Variants in ADGRB3 observed in about 807,000 individuals in gnomAD.
ADGRB3 encodes adhesion G protein-coupled receptor B3.
A neutral mutation model predicts 193.4 loss-of-function variants in ADGRB3; 37 were observed. The ratio of observed to expected loss-of-function variants is 0.19; its 90% CI spans 0.15 to 0.25. ADGRB3 has a LOEUF of 0.25. ADGRB3 is among the 10% of genes least tolerant of loss of function. ADGRB3 has a pLI of 1.00. For synonymous variants in ADGRB3, 690 were observed against 644.2 expected (o/e 1.07, Z -1.08); for missense variants, 1,637 against 1,852.9 (o/e 0.88, Z 2.14).
At chr6:69,256,310 T>C (rs894997637) in intron 20 of ADGRB3, among the ~76,000 whole-genome samples, 4 of 152,076 alleles carry the variant, frequency 2.6e-5, no homozygotes, top group African/African-American at 4.8e-5. Context: ...GCCATTTTCA[T>C]GATATTGATT....
At chr6:69,317,991 A>C (rs1768354761) in intron 20 of ADGRB3, among the ~76,000 whole-genome samples, 1 of 151,454 alleles carries the variant, frequency 6.6e-6, no homozygotes, top group African/African-American at 2.4e-5. Flanking sequence ...ACTATTTCTA[A>C]TAGTTTAAAA....
At chr6:69,355,768 A>G (rs1769324595) in intron 27 of ADGRB3, 53 bp from the exon 28 acceptor site, 24 of 1,404,820 alleles carry the variant, frequency 1.7e-5, no homozygotes, top group Non-Finnish European at 2.3e-5. Flanking sequence ...AGTAAAAGAC[A>G]CTTGAGGTCT....
intron 3 of ADGRB3, among the ~76,000 whole-genome samples, chr6:68,726,627 A>G (rs1181566210): frequency 6.6e-6 from 1 of 151,602 alleles, no homozygotes; most frequent in Non-Finnish European, 1.5e-5. Flanking sequence ...TTATTTCCCT[A>G]TATGGAAAAT....
chr6:68,917,448 CATG>C (rs1409578892), intron 3 of ADGRB3, among the ~76,000 whole-genome samples: 3 of 152,092 alleles, frequency 2.0e-5, no homozygotes, highest in African/African-American at 4.8e-5. Flanking sequence ...CTTTCTTCTA[CATG>C]ATAAGTTTCT....
At chr6:69,000,687 C>G (rs575224296) in intron 11 of ADGRB3, among the ~76,000 whole-genome samples, 2 of 152,324 alleles carry the variant, frequency 1.3e-5, no homozygotes, top group South Asian at 2.1e-4. Context: ...GGCAGAACAT[C>G]ATCATGTTAG....
rs7743302 is a variant in ADGRB3 at position 69,104,371 on chromosome 6, G to A, written c.2480+28333G>A. Among the ~76,000 whole-genome samples, 118 of 151,054 alleles carry A rather than the reference G, an allele frequency of 7.8e-4. 1 individual carries two copies. Among genetic ancestry groups the A allele is most frequent in the African/African-American group, 2.3e-3 (95 of 41,236 alleles). On this transcript the variant is annotated intron_variant, in intron 17 of 31. Transcript: ENST00000370598. ...TCCCTACAAAGGACATGAACTCATCGTTTTCTATGGCTGCATAGTATTCCA... is the reference window on the plus strand; with the variant it reads ...TCCCTACAAAGGACATGAACTCATCATTTTCTATGGCTGCATAGTATTCCA...
chr6:69,027,458 A>G (rs979964694), intron 13 of ADGRB3, among the ~76,000 whole-genome samples: 8 of 152,212 alleles, frequency 5.3e-5, no homozygotes, highest in Non-Finnish European at 8.8e-5. Flanking sequence ...AAATAGGAGT[A>G]CACCCTAAAA....
rs1770130142 is a variant in ADGRB3 at position 69,388,764 on chromosome 6, A to G, written c.4442A>G (p.His1481Arg). Residue 1481 changes from histidine to arginine, a missense_variant, in exon 32 of 32, where the codon CAT (histidine) becomes CGT (arginine). His to Arg is a conservative substitution (Grantham distance 29). Around this residue, in one of 7 missense-constraint regions of ADGRB3, gnomAD observed 368 missense variants for 367.4 expected, o/e 1.00. Coordinates refer to ENST00000370598, the MANE Select transcript of ADGRB3 (RefSeq NM_001704.3). ...DTFKNPSEYPHYTTINVLDTE... is the reference protein window; with the variant it reads ...DTFKNPSEYPRYTTINVLDTE... ...TTCAAAAACCCCAGTGAATACCCGC[A>G]TTACACCACAATCAATGTCTTAGAC... 2 of 1,613,562 alleles carry G rather than the reference A, an allele frequency of 1.2e-6. No individual in the cohort carries two copies. The highest frequency in any genetic ancestry group is 1.7e-6 in the Non-Finnish European group (2 of 1,179,674).
rs137981279 is a variant in ADGRB3 at position 68,789,595 on chromosome 6, C to T, written c.758-140964C>T. ...CTCTGGCTGCCCTTAACATTTTTTC[C>T]TTCATTTCAACTGGTGAATCTGACA... On this transcript the variant is annotated intron_variant, in intron 3 of 31. Coordinates refer to ENST00000370598, the MANE Select transcript of ADGRB3 (RefSeq NM_001704.3). Among the ~76,000 whole-genome samples, 357 of 152,222 alleles carry T rather than the reference C, an allele frequency of 2.3e-3. 1 individual carries two copies. The highest frequency in any genetic ancestry group is 8.1e-3 in the African/African-American group (336 of 41,526).
chr6:68,922,620 A>T (rs1296373170), intron 3 of ADGRB3, among the ~76,000 whole-genome samples: 1 of 152,178 alleles, frequency 6.6e-6, no homozygotes, highest in Non-Finnish European at 1.5e-5. Context: ...TGAGAAAAAA[A>T]TGTAATTTTA....
intron 3 of ADGRB3, among the ~76,000 whole-genome samples, chr6:68,778,994 G>A (rs949209654): frequency 1.3e-5 from 2 of 151,930 alleles, no homozygotes; most frequent in African/African-American, 2.4e-5. Flanking sequence ...GAGCTGCAGC[G>A]ATTTTAGTGG....
chr6:69,374,336 T>G (rs539442666), intron 30 of ADGRB3, among the ~76,000 whole-genome samples: 26 of 152,214 alleles, frequency 1.7e-4, no homozygotes, highest in African/African-American at 6.3e-4. Flanking sequence ...GGGTGGTTCT[T>G]GAGGGAAAGT....
At chr6:69,171,201 AC>A (rs1266732559) in intron 17 of ADGRB3, among the ~76,000 whole-genome samples, 5 of 152,134 alleles carry the variant, frequency 3.3e-5, no homozygotes, top group African/African-American at 1.2e-4. Context: ...CTCAATTTAG[AC>A]TAGCTAGTTT....
At chr6:68,649,768 G>A (rs1413391063) in intron 3 of ADGRB3, among the ~76,000 whole-genome samples, 1 of 152,164 alleles carries the variant, frequency 6.6e-6, no homozygotes, top group Non-Finnish European at 1.5e-5. Flanking sequence ...GGTGAGAAAT[G>A]AGCAAAGTCA....
intron 3 of ADGRB3, among the ~76,000 whole-genome samples, chr6:68,656,057 T>C (rs1328292093): frequency 1.7e-4 from 26 of 151,618 alleles, no homozygotes; most frequent in Admixed American, 1.7e-3. Flanking sequence ...TTGAATGCCT[T>C]TTTCCTCCTG....
At chr6:68,929,259 A>T (rs1273890495) in intron 3 of ADGRB3, among the ~76,000 whole-genome samples, 1 of 152,180 alleles carries the variant, frequency 6.6e-6, no homozygotes, top group African/African-American at 2.4e-5. Flanking sequence ...TCTGCCTTGG[A>T]TATTTTCTCA....
At position 68,971,709 on chromosome 6, in the gene ADGRB3, G is replaced by C. The variant is rs182825315; in HGVS notation, c.1526-3054G>C. ...GTGGAAGTAGAAGGCATGTGTCCAG[G>C]CATGACTGCCATATAACAAGCGAAG... On this transcript the variant is annotated intron_variant, in intron 8 of 31. Coordinates refer to ENST00000370598, the MANE Select transcript of ADGRB3 (RefSeq NM_001704.3). Among the ~76,000 whole-genome samples, 15 of 152,358 alleles carry C rather than the reference G, an allele frequency of 9.8e-5. No individual in the cohort carries two copies. In the East Asian group the frequency reaches 1.9e-3, roughly 20 times the overall value.
At chr6:69,155,973 G>A (rs1346568321) in intron 17 of ADGRB3, among the ~76,000 whole-genome samples, 4 of 151,808 alleles carry the variant, frequency 2.6e-5, no homozygotes, top group African/African-American at 9.7e-5. Context: ...TATATTAAAT[G>A]AAAGTTTAAA....
At chr6:69,307,891 G>T (rs1768099793) in intron 20 of ADGRB3, among the ~76,000 whole-genome samples, 1 of 151,376 alleles carries the variant, frequency 6.6e-6, no homozygotes, top group Non-Finnish European at 1.5e-5. Context: ...AATGGATGAG[G>T]TGGTTCGATT....
Sources: allele counts gnomAD v4.1 joint callset (sites outside exome capture counted in the v4.1 genomes callset), GRCh38; gene constraint gnomAD v4.1.1; regional missense constraint gnomAD v4.1.1; transcripts MANE v1.5; gene names NCBI Gene and HGNC (gene_info 2026-07-23, HGNC 2026-07-21).